ANKRD11: variants seen among roughly 807,000 people sequenced by gnomAD.
The protein encoded by ANKRD11 is ankyrin repeat domain 11.
A neutral mutation model predicts 195.7 loss-of-function variants in ANKRD11; 17 were observed. The ratio of observed to expected loss-of-function variants is 0.09; its 90% CI spans 0.06 to 0.13. The LOEUF (loss-of-function observed/expected upper bound fraction) is 0.13. Among genes scored for constraint, ANKRD11 ranks in the 10% least tolerant of loss-of-function variants. The probability of loss-of-function intolerance (pLI) is 1.00; values close to 1 mark genes in which losing one functional copy is unlikely to be tolerated. For missense variants in ANKRD11, 3,735 were observed against 3,566.1 expected (o/e 1.05, Z -1.21); for synonymous variants, 1,953 against 1,528.1 (o/e 1.28, Z -6.49).
intron 1 of ANKRD11, among the ~76,000 whole-genome samples, chr16:89,451,591 A>G (rs1298130486): frequency 6.6e-6 from 1 of 151,802 alleles, no homozygotes; most frequent in Non-Finnish European, 1.5e-5. Context: ...TAATTTTTGT[A>G]TTTTTAGTAG....
chr16:89,305,391 C>T (rs1238956492), intron 3 of ANKRD11, 47 bp from the exon 4 acceptor site: 1 of 1,612,374 alleles, frequency 6.2e-7, no homozygotes, highest in South Asian at 1.1e-5. Flanking sequence ...AAATTACATT[C>T]TCAAGCTCTC....
chr16:89,476,317 A>G (rs918678747), intron 1 of ANKRD11, among the ~76,000 whole-genome samples: 5 of 152,208 alleles, frequency 3.3e-5, no homozygotes, highest in Admixed American at 1.3e-4. Flanking sequence ...CGGGATGGTC[A>G]TATGTCCCCT....
chr16:89,462,247 T>A (rs1433547394), intron 1 of ANKRD11, among the ~76,000 whole-genome samples: 1 of 152,072 alleles, frequency 6.6e-6, no homozygotes, highest in Non-Finnish European at 1.5e-5. Context: ...GCCTGACTGG[T>A]TTTGGTGGAG....
Position 89,394,334 on chromosome 16 carries a change from A to G in ANKRD11, c.-60+23950T>C, listed in dbSNP as rs1348391071. Among the ~76,000 whole-genome samples, 5 of 152,188 alleles carry G rather than the reference A, an allele frequency of 3.3e-5. No individual in the cohort carries two copies. The East Asian group carries it at 7.7e-4, about 23-fold the overall frequency. ...ACTCATCAGGAAACTTCTCATCAGAAAAACAGCTCGTGGGCCAGGCACAGT... is the reference window on the plus strand; with the variant it reads ...ACTCATCAGGAAACTTCTCATCAGAGAAACAGCTCGTGGGCCAGGCACAGT... On this transcript the variant is annotated intron_variant, in intron 2 of 12. Transcript: ENST00000301030.
At chr16:89,480,904 G>C (rs536351664) in intron 1 of ANKRD11, among the ~76,000 whole-genome samples, 14 of 152,220 alleles carry the variant, frequency 9.2e-5, no homozygotes, top group Non-Finnish European at 2.9e-5. Flanking sequence ...TTCCTCAACT[G>C]AGATGCCCAC....
intron 2 of ANKRD11, among the ~76,000 whole-genome samples, chr16:89,385,742 C>T (rs573746106): frequency 2.3e-4 from 35 of 152,402 alleles, no homozygotes; most frequent in Middle Eastern, 6.8e-3. Context: ...ACCACTTTCA[C>T]GTCTGACGAC....
Position 89,283,118 on chromosome 16 carries a change from C to T in ANKRD11, c.3424G>A (p.Asp1142Asn), listed in dbSNP as rs373193679. The T allele has an allele frequency of 8.7e-6, 14 of 1,613,866 alleles. No homozygotes were observed. In the African/African-American group the frequency reaches 1.1e-4, roughly 12 times the overall value. ...GSGFKMGEAS[D>N]LPRTDGLQEK... ...TGGAGGCCGTCCGTCCTCGGCAAGT[C>T]GCTGGCCTCTCCCATCTTGAACCCG... The change falls in exon 9 of 13, where the codon GAC becomes AAC. Residue 1142 changes from aspartate (D) to asparagine (N), a missense_variant. By Grantham distance (23) the Asp-to-Asn change is conservative (BLOSUM62 1). Transcript: ENST00000301030. The surrounding 1 kb of genome is among the most constrained non-coding windows in gnomAD (Gnocchi z 4.3).
intron 2 of ANKRD11, among the ~76,000 whole-genome samples, chr16:89,408,687 G>A (rs1246947210): frequency 1.3e-5 from 2 of 151,914 alleles, no homozygotes; most frequent in African/African-American, 2.4e-5. Flanking sequence ...AGAGTCCAGC[G>A]CTAATACAAC....
At chr16:89,268,900 G>A (rs1037122196) in intron 12 of ANKRD11, among the ~76,000 whole-genome samples, 1 of 152,234 alleles carries the variant, frequency 6.6e-6, no homozygotes, top group African/African-American at 2.4e-5. Flanking sequence ...CCCTGGCCTG[G>A]GGCTCACCCT....
At chr16:89,343,627 C>T (rs921153630) in intron 2 of ANKRD11, 1 of 152,252 alleles carries the variant, frequency 6.6e-6, no homozygotes, top group Admixed American at 6.5e-5. Flanking sequence ...AGTCAGAAAA[C>T]ACAAGGCAGC....
chr16:89,305,447 C>T (rs1243879161), intron 3 of ANKRD11, 103 bp from the exon 4 acceptor site: 9 of 1,490,840 alleles, frequency 6.0e-6, no homozygotes, highest in Non-Finnish European at 8.3e-6. Context: ...CTTATTTGGG[C>T]AATGAACACC....
At chr16:89,389,901 C>T (rs1256537614) in intron 2 of ANKRD11, among the ~76,000 whole-genome samples, 3 of 77,398 alleles carry the variant, frequency 3.9e-5, no homozygotes, top group African/African-American at 5.6e-5. Flanking sequence ...GCGGGGAGCA[C>T]CGAGAGAGAT....
At chr16:89,388,315 T>TTTTTTTTTTGG (rs2041018887) in intron 2 of ANKRD11, among the ~76,000 whole-genome samples, 1 of 145,398 alleles carries the variant, frequency 6.9e-6, no homozygotes, top group Admixed American at 6.8e-5. Flanking sequence ...TTTTTTTTTT[T>TTTTTTTTTTGG]GAGACGGAGT....
intron 2 of ANKRD11, chr16:89,373,579 C>G (rs554200627): frequency 6.6e-6 from 1 of 152,236 alleles, no homozygotes; most frequent in South Asian, 2.1e-4. Flanking sequence ...ACCAGCGATT[C>G]GAGAGAAAAC....
rs776242118 is a variant in ANKRD11 at position 89,281,906 on chromosome 16, C to T, written c.4636G>A (p.Val1546Met). Residue 1546 changes from valine (V) to methionine (M), a missense_variant, in exon 9 of 13, where the codon GTG becomes ATG. Coordinates refer to ENST00000301030, the MANE Select transcript of ANKRD11 (RefSeq NM_013275.6). The surrounding 1 kb of genome is among the most constrained non-coding windows in gnomAD (Gnocchi z 5.5). The part of the protein sequence containing the change: ...DGAEKEKGDP[V>M]KMSNGNDKVA... Reference sequence around the variant, plus strand: ...TTATCATTCCCGTTGCTCATCTTCACTGGGTCGCCCTTTTCTTTCTCTGCA... The same window carrying T: ...TTATCATTCCCGTTGCTCATCTTCATTGGGTCGCCCTTTTCTTTCTCTGCA... 6.2e-7 allele frequency: 1 copy of T among 1,613,602 alleles called. No individual in the cohort carries two copies. Among genetic ancestry groups the T allele is most frequent in the South Asian group, 1.1e-5 (1 of 91,084 alleles).
In ANKRD11 at chr16:89,280,128, C is replaced by T; in HGVS notation, c.6414G>A (p.Leu2138=). 3 of 1,612,246 alleles carry T rather than the reference C, an allele frequency of 1.9e-6. No homozygotes were observed. Among genetic ancestry groups the T allele is most frequent in the East Asian group, 2.2e-5 (1 of 44,814 alleles). ...EDDLDLGPFS[L]PELPLQTKDA... ...CTTTAGTCTGCAGGGGAAGCTCCGG[C>T]AGGGAGAAGGGCCCCAGGTCCAGGT... The change falls in exon 9 of 13, where the codon CTG becomes CTA. Residue 2138 remains leucine, a synonymous_variant. Coordinates refer to ENST00000301030, the MANE Select transcript of ANKRD11 (RefSeq NM_013275.6).
At chr16:89,465,591 A>AGC (rs1357343360) in intron 1 of ANKRD11, among the ~76,000 whole-genome samples, 1 of 152,194 alleles carries the variant, frequency 6.6e-6, no homozygotes, top group Non-Finnish European at 1.5e-5. Flanking sequence ...ACCATGAGAC[A>AGC]AAGGAAAAAG....
At position 89,423,955 on chromosome 16, in the gene ANKRD11, CA is replaced by C. The variant is rs548822696; in HGVS notation, c.-144-5588del. Among the ~76,000 whole-genome samples, 691 of 152,154 alleles carry C rather than the reference CA, an allele frequency of 4.5e-3. 7 individuals are homozygous for C. Among genetic ancestry groups the C allele is most frequent in the Non-Finnish European group, 7.3e-3 (499 of 67,990 alleles). ...CTTAAGCGGGTAAGAGGACAGGGTA[CA>C]ACCTTGTAAGCGGGTAAGGGGACGG... On this transcript the variant is annotated intron_variant, in intron 1 of 12. Transcript: ENST00000301030.
At chr16:89,464,440 C>G (rs1298683078) in intron 1 of ANKRD11, among the ~76,000 whole-genome samples, 1 of 151,414 alleles carries the variant, frequency 6.6e-6, no homozygotes, top group African/African-American at 2.4e-5. Context: ...AACCTCATCT[C>G]TACTAAAAAT....
Sources: allele counts gnomAD v4.1 joint callset (sites outside exome capture counted in the v4.1 genomes callset), GRCh38; gene constraint gnomAD v4.1.1; non-coding constraint Gnocchi (gnomAD v3.1); transcripts MANE v1.5; gene names NCBI Gene and HGNC (gene_info 2026-07-23, HGNC 2026-07-21).